The following SIPA1L3 variants were observed in gnomAD, a reference collection of about 807,000 sequenced individuals.
The protein encoded by SIPA1L3 is signal-induced proliferation-associated 1-like protein 3.
Under a neutral mutation model 150.1 loss-of-function variants are expected in SIPA1L3, and 59 were observed. The observed-to-expected ratio is 0.39, with a 90% CI of 0.32 to 0.49. SIPA1L3 has a LOEUF of 0.49. Among genes scored for constraint, SIPA1L3 ranks in the 20% least tolerant of loss-of-function variants. The pLI is 0.86. For synonymous variants in SIPA1L3, 1,070 were observed against 1,077.6 expected, an observed-to-expected ratio of 0.99 and a Z score of 0.14; for missense variants, 2,211 against 2,489.5, an observed-to-expected ratio of 0.89 and a Z score of 2.38.
At chr19:38,104,265 G>A (rs1430818417) in intron 6 of SIPA1L3, among the ~76,000 whole-genome samples, 3 of 152,372 alleles carry the variant, frequency 2.0e-5, no homozygotes, top group East Asian at 1.9e-4. Context: ...GAAGGAGGCT[G>A]TAGGAGGAAC....
rs1301690456 is a variant in SIPA1L3 at position 38,141,341 on chromosome 19, C to T, written c.3301C>T (p.Pro1101Ser). The T allele has an allele frequency of 6.2e-7, 1 of 1,613,908 alleles. No homozygotes were observed. Among genetic ancestry groups the T allele is most frequent in the Non-Finnish European group, 8.5e-7 (1 of 1,180,012 alleles). Residue 1101 changes from proline to serine, a missense_variant, in exon 11 of 22, where the codon CCA becomes TCA. Physicochemically the swap from Pro to Ser is moderately conservative, Grantham distance 74. Coordinates refer to ENST00000222345, the MANE Select transcript of SIPA1L3 (RefSeq NM_015073.3). ...NSLPASKWAT[P>S]TTPGHAQSLS... ...TCTACCAGCCTCCAAGTGGGCCACT[C>T]CAACCACTCCCGGCCATGCCCAGTC...
chr19:38,073,959 A>G (rs1019726984), intron 2 of SIPA1L3, among the ~76,000 whole-genome samples: 1 of 152,144 alleles, frequency 6.6e-6, no homozygotes, highest in Non-Finnish European at 1.5e-5. Context: ...GTGGTATTAT[A>G]CCCATTTTAC....
chr19:38,039,830 T>G (rs1968872716), intron 2 of SIPA1L3, among the ~76,000 whole-genome samples: 1 of 152,002 alleles, frequency 6.6e-6, no homozygotes, highest in African/African-American at 2.4e-5. Flanking sequence ...ATCAAAAATG[T>G]TGAATTCAGC....
intron 12 of SIPA1L3, among the ~76,000 whole-genome samples, chr19:38,151,601 A>G (rs332845): frequency 0.6 from 91,626 of 151,956 alleles, 28,068 homozygotes; most frequent in African/African-American, 0.68. Flanking sequence ...CTTCTACCAC[A>G]ACCGGCTGTG....
rs748429221 is a variant in SIPA1L3, at chr19:38,198,421, G to A, written c.4873G>A (p.Asp1625Asn). 8 of 1,589,330 alleles carry A rather than the reference G, an allele frequency of 5.0e-6. No homozygotes were observed. In the East Asian group the frequency reaches 1.7e-4, roughly 33 times the overall value. ...TISASELSLA[D>N]GRDRPLRRLD... ...CTCAGCCTCGGAGCTCTCGCTGGCT[G>A]ATGGGCGGGACCGCCCCCTGCGGCG... Residue 1625 changes from aspartate to asparagine, a missense_variant, in exon 19 of 22, where the codon GAT becomes AAT. Around this residue, in one of 5 missense-constraint regions of SIPA1L3, gnomAD observed 806 missense variants for 870.1 expected, o/e 0.93. Coordinates refer to ENST00000222345, the MANE Select transcript of SIPA1L3 (RefSeq NM_015073.3).
At chr19:38,078,833 C>T (rs532521921) in intron 2 of SIPA1L3, among the ~76,000 whole-genome samples, 1 of 152,296 alleles carries the variant, frequency 6.6e-6, no homozygotes, top group South Asian at 2.1e-4. Context: ...GCTTCCATCA[C>T]AGACGGCGAC....
rs140783984 is a variant in SIPA1L3 at position 38,024,527 on chromosome 19, G to A, written c.-378-4562G>A. Among the ~76,000 whole-genome samples, 96 of 152,144 alleles carry A rather than the reference G, an allele frequency of 6.3e-4. 1 individual carries two copies. In the East Asian group the frequency reaches 0.017, roughly 26 times the overall value. Reference sequence around the variant, plus strand: ...AAGGTGAAACCTCCTGGGGGTCTCGGGGAGCCCGGCACTGCCCCCCAGCTG... The same window carrying A: ...AAGGTGAAACCTCCTGGGGGTCTCGAGGAGCCCGGCACTGCCCCCCAGCTG... On this transcript the variant is annotated intron_variant, in intron 1 of 21. Transcript: ENST00000222345.
At chr19:37,937,431 A>G (rs1437632057) in intron 1 of SIPA1L3, among the ~76,000 whole-genome samples, 1 of 152,064 alleles carries the variant, frequency 6.6e-6, no homozygotes, top group Non-Finnish European at 1.5e-5. Flanking sequence ...CTTTAAAAGA[A>G]TGATTTTTGA....
intron 1 of SIPA1L3, among the ~76,000 whole-genome samples, chr19:37,980,041 G>A (rs1034067277): frequency 6.6e-6 from 1 of 152,220 alleles, no homozygotes. Flanking sequence ...AGACAGTATC[G>A]GGCAGTCCTG....
At chr19:38,130,385 A>T in intron 9 of SIPA1L3, 113 bp from the exon 10 acceptor site, 1 of 1,090,934 alleles carries the variant, frequency 9.2e-7, no homozygotes, top group Non-Finnish European at 1.3e-6. Flanking sequence ...GGAAGGTATT[A>T]ATAGATGGGA....
intron 13 of SIPA1L3, among the ~76,000 whole-genome samples, chr19:38,161,892 A>AG (rs1385593194): frequency 6.9e-6 from 1 of 144,284 alleles, no homozygotes; most frequent in Admixed American, 6.9e-5. Context: ...AAAAAAAAAA[A>AG]TTAGCCAAGC....
At chr19:38,178,094 T>G (rs1207555903) in intron 15 of SIPA1L3, among the ~76,000 whole-genome samples, 13 of 23,842 alleles carry the variant, frequency 5.5e-4, no homozygotes, top group African/African-American at 2.2e-3. Flanking sequence ...TTGGTGTGTG[T>G]GTGTGTGTGT....
intron 9 of SIPA1L3, among the ~76,000 whole-genome samples, chr19:38,120,754 A>C (rs1970996567): frequency 1.3e-5 from 2 of 152,250 alleles, no homozygotes; most frequent in Admixed American, 1.3e-4. Flanking sequence ...CAGATTGGTG[A>C]TAGCTTAGCT....
At chr19:37,925,544 C>T (rs1295531540) in intron 1 of SIPA1L3, among the ~76,000 whole-genome samples, 1 of 149,288 alleles carries the variant, frequency 6.7e-6, no homozygotes, top group East Asian at 2.0e-4. Flanking sequence ...TTTGTCTTTT[C>T]TCTGATTGAG....
chr19:38,061,819 C>T (rs975352176), intron 2 of SIPA1L3, among the ~76,000 whole-genome samples: 3 of 146,242 alleles, frequency 2.1e-5, no homozygotes, highest in Non-Finnish European at 3.0e-5. Context: ...GTTAACTGGT[C>T]GGTTGGTTAT....
chr19:38,010,976 T>C (rs2145680332), intron 1 of SIPA1L3, among the ~76,000 whole-genome samples: 1 of 152,318 alleles, frequency 6.6e-6, no homozygotes, highest in East Asian at 1.9e-4. Flanking sequence ...GAAACGTCTC[T>C]CCTTACACAG....
At chr19:37,916,172 G>A (rs547481145) in intron 1 of SIPA1L3, among the ~76,000 whole-genome samples, 5 of 151,750 alleles carry the variant, frequency 3.3e-5, no homozygotes, top group South Asian at 2.1e-4. Context: ...GATTACAGGC[G>A]CCCACCACCA....
chr19:38,202,029 A>G, intron 20 of SIPA1L3, 32 bp downstream of exon 20: 2 of 1,587,206 alleles, frequency 1.3e-6, no homozygotes, highest in South Asian at 1.2e-5. Context: ...CCGGGTTCAT[A>G]CCAGCGGCAG....
Position 38,082,445 on chromosome 19 carries a change from G to A in SIPA1L3, c.880G>A (p.Gly294Arg), listed in dbSNP as rs755976287. 3.1e-6 allele frequency: 5 copies of A among 1,590,268 alleles called. No individual in the cohort carries two copies. The highest frequency in any genetic ancestry group is 3.5e-5 in the Admixed American group (2 of 57,668). ...RKKPARGLGG[G>R]DTVDSSIFRK... is the part of the protein sequence containing the mutation. Reference sequence around the variant, plus strand: ...GAAACCTGCGCGGGGCCTCGGCGGCGGGGACACGGTGGACTCGTCCATCTT... The same window carrying A: ...GAAACCTGCGCGGGGCCTCGGCGGCAGGGACACGGTGGACTCGTCCATCTT... The change falls in exon 3 of 22, where the codon GGG (glycine) becomes AGG (arginine). Residue 294 changes from glycine to arginine, a missense_variant. By Grantham distance (125) the Gly-to-Arg change is moderately radical (BLOSUM62 -2). Coordinates refer to ENST00000222345, the MANE Select transcript of SIPA1L3 (RefSeq NM_015073.3).
Sources: allele counts gnomAD v4.1 joint callset (sites outside exome capture counted in the v4.1 genomes callset), GRCh38; gene constraint gnomAD v4.1.1; regional missense constraint gnomAD v4.1.1; transcripts MANE v1.5; gene names NCBI Gene and HGNC (gene_info 2026-07-23, HGNC 2026-07-21).